RERE: variants seen among roughly 807,000 people sequenced by gnomAD.
RERE encodes arginine-glutamic acid dipeptide repeats protein.
RERE carries 40 observed loss-of-function variants against 146.1 expected under a neutral mutation model. That is an observed-to-expected ratio of 0.27 (90% CI 0.21 to 0.36). The LOEUF is 0.36. Among genes scored for constraint, RERE ranks in the 10% least tolerant of loss-of-function variants. The pLI, the probability that RERE is intolerant of heterozygous loss-of-function variation, is 1.00. For missense variants in RERE, 1,933 were observed against 2,138.7 expected (o/e 0.90, Z 1.90); for synonymous variants, 1,003 against 866.0 (o/e 1.16, Z -2.78).
intron 6 of RERE, among the ~76,000 whole-genome samples, chr1:8,546,652 A>G (rs1645865990): frequency 6.6e-6 from 1 of 152,108 alleles, no homozygotes; most frequent in African/African-American, 2.4e-5. Context: ...GTTCAAGACC[A>G]GCCTGGCCAA....
Position 8,781,788 on chromosome 1 carries a change from T to C in RERE, c.-145+35372A>G, listed in dbSNP as rs182789354. Among the ~76,000 whole-genome samples the C allele has an allele frequency of 1.7e-3, 262 of 151,862 alleles. 2 individuals carry two copies. Among genetic ancestry groups the C allele is most frequent in the Non-Finnish European group, 2.9e-3 (200 of 67,972 alleles). ...CCTTACAAAGAAAACTGAAGACACA[T>C]AGGAATTCTCATTCCTTGTAGTGAT... On this transcript the variant is annotated intron_variant, in intron 1 of 22. Transcript: ENST00000400908.
intron 3 of RERE, 86 bp downstream of exon 3, chr1:8,624,224 C>A (rs1022998900): frequency 1.2e-5 from 13 of 1,074,940 alleles, no homozygotes; most frequent in Non-Finnish European, 1.7e-5. Flanking sequence ...ACGTCAACAG[C>A]GATGGAGGAA....
chr1:8,709,110 C>T (rs900209870), intron 1 of RERE, among the ~76,000 whole-genome samples: 11 of 151,410 alleles, frequency 7.3e-5, no homozygotes, highest in South Asian at 4.2e-4. Context: ...TTAGTAGAGA[C>T]GGCGTTTCAC....
chr1:8,438,642 A>AG (rs1355042998), intron 11 of RERE, among the ~76,000 whole-genome samples: 9 of 152,210 alleles, frequency 5.9e-5, no homozygotes, highest in Admixed American at 5.9e-4. Flanking sequence ...GATTCTAGCA[A>AG]GGCCTCACAG....
intron 1 of RERE, among the ~76,000 whole-genome samples, chr1:8,758,010 G>A (rs890353632): frequency 6.6e-6 from 1 of 151,978 alleles, no homozygotes; most frequent in Non-Finnish European, 1.5e-5. Context: ...AGGATACTAT[G>A]TTAAGTGAAA....
chr1:8,473,847 T>C (rs1022299654), intron 10 of RERE, among the ~76,000 whole-genome samples: 3 of 152,214 alleles, frequency 2.0e-5, no homozygotes, highest in African/African-American at 7.2e-5. Flanking sequence ...AGCTGTAAGC[T>C]GTACAGTGGT....
intron 2 of RERE, among the ~76,000 whole-genome samples, chr1:8,638,989 G>A (rs1028370967): frequency 2.9e-4 from 44 of 151,878 alleles, no homozygotes; most frequent in Middle Eastern, 3.4e-3. Flanking sequence ...TGGCCAGGAT[G>A]GTCTCGATCT....
At chr1:8,522,320 T>C (rs1439839078) in intron 7 of RERE, among the ~76,000 whole-genome samples, 1 of 152,238 alleles carries the variant, frequency 6.6e-6, no homozygotes, top group African/African-American at 2.4e-5. Flanking sequence ...AGTCTTAGAA[T>C]ACACGGTTTT....
intron 10 of RERE, among the ~76,000 whole-genome samples, chr1:8,481,487 A>C (rs577131064): frequency 6.6e-6 from 1 of 152,362 alleles, no homozygotes; most frequent in Admixed American, 6.5e-5. Context: ...ATAGTTATGT[A>C]TATAAATATT....
chr1:8,443,941 G>A (rs1644285371), intron 11 of RERE, among the ~76,000 whole-genome samples: 1 of 152,220 alleles, frequency 6.6e-6, no homozygotes, highest in African/African-American at 2.4e-5. Context: ...CTGCAGAGAT[G>A]GAGCCCTCAC....
In RERE at chr1:8,614,837, A is replaced by G. The variant is rs533964475; in HGVS notation, c.397-151T>C. The G allele has an allele frequency of 2.1e-5, 18 of 849,788 alleles. No individual in the cohort carries two copies. In the Admixed American group the frequency reaches 3.5e-4, roughly 16 times the overall value. The allele number at this position is 849,788 out of a possible 1,614,324, so 52.6% of individuals were successfully genotyped here. ...ATAATTTGTTCTACCACTAAAGTTA[A>G]CCTTTTTGCATTAATCAAAGCTGTT... is the stretch of plus-strand genomic sequence containing the variant. On this transcript the variant is annotated intron_variant, in intron 3 of 22. Transcript: ENST00000400908.
chr1:8,358,642 G>T lies in RERE; in HGVS notation c.3893C>A (p.Thr1298Asn), dbSNP rs771902734. 1 of 1,586,324 alleles carries T rather than the reference G, an allele frequency of 6.3e-7. No homozygotes were observed. Among genetic ancestry groups the T allele is most frequent in the East Asian group, 2.2e-5 (1 of 44,702 alleles). ...CTCCCGGAGCTCCCGCTCGCGGATG[G>T]TGGGGTCGACGTTGTAGAGGCCAGG... Reference protein sequence around the residue: ...HMPGLYNVDPTIRERELRERE... With the variant: ...HMPGLYNVDPNIRERELRERE... The change falls in exon 20 of 23, where the codon ACC becomes AAC. Residue 1298 changes from threonine to asparagine, a missense_variant. Physicochemically the swap from Thr to Asn is moderately conservative, Grantham distance 65. Transcript: ENST00000400908.
intron 12 of RERE, chr1:8,380,961 A>G (rs1642428174): frequency 2.2e-6 from 1 of 456,494 alleles, no homozygotes; most frequent in African/African-American, 2.0e-5. Context: ...TTCCCTGGGT[A>G]AAAGGGACCA....
chr1:8,506,891 T>G (rs1231915589), intron 8 of RERE, among the ~76,000 whole-genome samples: 1 of 152,144 alleles, frequency 6.6e-6, no homozygotes, highest in East Asian at 1.9e-4. Context: ...GAATGTACAA[T>G]GAAGCCCAAC....
At chr1:8,548,537 A>G (rs1645895323) in intron 6 of RERE, among the ~76,000 whole-genome samples, 2 of 152,372 alleles carry the variant, frequency 1.3e-5, no homozygotes, top group South Asian at 4.1e-4. Context: ...AAGAGTCAAT[A>G]AACGGGTTTC....
At chr1:8,768,192 G>GT (rs1640883419) in intron 1 of RERE, among the ~76,000 whole-genome samples, 1 of 152,038 alleles carries the variant, frequency 6.6e-6, no homozygotes, top group Non-Finnish European at 1.5e-5. Flanking sequence ...TAAAAAGAAC[G>GT]TGTTTCTGGA....
intron 1 of RERE, among the ~76,000 whole-genome samples, chr1:8,707,759 A>G (rs988504166): frequency 7.9e-5 from 12 of 152,328 alleles, no homozygotes; most frequent in Middle Eastern, 3.4e-3. Flanking sequence ...TATTAGTACC[A>G]GTTAGCTATG....
intron 12 of RERE, among the ~76,000 whole-genome samples, chr1:8,368,934 G>A (rs1050951900): frequency 1.8e-4 from 27 of 151,968 alleles, no homozygotes; most frequent in African/African-American, 6.3e-4. Flanking sequence ...GCATGGTGGT[G>A]TGCACCGGCA....
At chr1:8,665,379 C>T in intron 1 of RERE, among the ~76,000 whole-genome samples, 1 of 152,170 alleles carries the variant, frequency 6.6e-6, no homozygotes, top group East Asian at 1.9e-4. Context: ...TTTCCAATTC[C>T]TTAACTCACT....
Sources: gnomAD v4.1 joint callset for allele counts (sites outside exome capture counted in the v4.1 genomes callset) on GRCh38, gnomAD v4.1.1 for gene constraint, MANE v1.5 for transcripts, NCBI Gene and HGNC (gene_info 2026-07-23, HGNC 2026-07-21) for gene names.